The following DSCAM variants were observed in gnomAD, a reference collection of about 807,000 sequenced individuals.
The protein encoded by DSCAM is cell adhesion molecule DSCAM.
In DSCAM, 47 loss-of-function variants were observed where a neutral mutation model predicts 217.7. The ratio of observed to expected loss-of-function variants is 0.22; its 90% CI spans 0.17 to 0.28. The LOEUF is 0.28. DSCAM is among the 10% of genes least tolerant of loss of function. The pLI is 1.00. For missense variants in DSCAM, 2,080 were observed against 2,618.3 expected, an observed-to-expected ratio of 0.79 and a Z score of 4.49; for synonymous variants, 1,056 against 1,015.3, an observed-to-expected ratio of 1.04 and a Z score of -0.76.
intron 3 of DSCAM, among the ~76,000 whole-genome samples, chr21:40,652,421 T>C (rs2090026903): frequency 6.6e-6 from 1 of 151,828 alleles, no homozygotes; most frequent in Non-Finnish European, 1.5e-5. Flanking sequence ...CTGTGTCATG[T>C]CATTTAGTTG....
chr21:40,318,326 A>G (rs1328005404), intron 8 of DSCAM, among the ~76,000 whole-genome samples: 2 of 119,010 alleles, frequency 1.7e-5, no homozygotes, highest in Non-Finnish European at 1.7e-5. Flanking sequence ...CCTAAAACTT[A>G]AAGTATAATT....
At chr21:40,424,587 G>C (rs1189609495) in intron 3 of DSCAM, among the ~76,000 whole-genome samples, 2 of 152,168 alleles carry the variant, frequency 1.3e-5, no homozygotes, top group Non-Finnish European at 2.9e-5. Context: ...AGAACTGTGA[G>C]AGAATCAGCT....
In DSCAM at chr21:40,042,758, G is replaced by A. The variant is rs1467836622; in HGVS notation, c.5384-85C>T. ...GCATGGCCCTTCCTGGCTTGGGGCT[G>A]TTTTCTTCCAGATCATGGTGGGACC... On this transcript the variant is annotated intron_variant, in intron 31 of 32. Coordinates refer to ENST00000400454, the MANE Select transcript of DSCAM (RefSeq NM_001389.5). The A allele has an allele frequency of 3.0e-6, 4 of 1,338,678 alleles. No individual in the cohort carries two copies. In the Admixed American group the frequency reaches 6.7e-5, roughly 22 times the overall value. 82.9% of individuals were successfully genotyped at this position (1,338,678 alleles called of 1,614,324 possible). A position where few individuals can be genotyped will look rare whatever the true frequency, so the allele number is the denominator to read the frequency against.
intron 3 of DSCAM, among the ~76,000 whole-genome samples, chr21:40,681,796 CAA>C (rs764735671): frequency 2.0e-5 from 3 of 152,070 alleles, no homozygotes; most frequent in Admixed American, 6.5e-5. Flanking sequence ...AGAAGAAATG[CAA>C]AGACACACAC....
At chr21:40,469,833 T>C (rs2075873722) in intron 3 of DSCAM, among the ~76,000 whole-genome samples, 1 of 152,228 alleles carries the variant, frequency 6.6e-6, no homozygotes, top group African/African-American at 2.4e-5. Flanking sequence ...TTTATAACCA[T>C]ATGACATTAA....
At chr21:40,325,255 G>A (rs2074305001) in intron 8 of DSCAM, among the ~76,000 whole-genome samples, 1 of 152,158 alleles carries the variant, frequency 6.6e-6, no homozygotes, top group Non-Finnish European at 1.5e-5. Context: ...GCACCATCAT[G>A]GTATCTTGGT....
chr21:40,845,538 C>CT (rs1326593079), intron 1 of DSCAM, among the ~76,000 whole-genome samples: 2 of 96,976 alleles, frequency 2.1e-5, no homozygotes, highest in African/African-American at 9.5e-5. Context: ...TTCTCTTCTT[C>CT]TCCTCTCTCT....
At chr21:40,357,246 G>T (rs761926224) in intron 4 of DSCAM, among the ~76,000 whole-genome samples, 4 of 152,158 alleles carry the variant, frequency 2.6e-5, no homozygotes, top group Non-Finnish European at 5.9e-5. Context: ...AATTACAAAC[G>T]GACTTTGAAA....
chr21:40,180,804 T>C (rs2090790565), intron 14 of DSCAM, among the ~76,000 whole-genome samples: 1 of 151,986 alleles, frequency 6.6e-6, no homozygotes, highest in South Asian at 2.1e-4. Context: ...GAGAGGCATA[T>C]GAGTGTCCAT....
intron 3 of DSCAM, among the ~76,000 whole-genome samples, chr21:40,423,039 G>T (rs1026799894): frequency 6.6e-6 from 1 of 152,186 alleles, no homozygotes; most frequent in African/African-American, 2.4e-5. Flanking sequence ...TAGAGCTAGA[G>T]GGGTTGACAG....
intron 1 of DSCAM, among the ~76,000 whole-genome samples, chr21:40,744,585 G>A (rs958222940): frequency 2.0e-5 from 3 of 152,302 alleles, no homozygotes; most frequent in Admixed American, 2.0e-4. Flanking sequence ...CACTATAAGT[G>A]TTCCCTAGAC....
chr21:40,157,817 C>T (rs2090496052), intron 16 of DSCAM, among the ~76,000 whole-genome samples: 1 of 152,056 alleles, frequency 6.6e-6, no homozygotes, highest in Non-Finnish European at 1.5e-5. Flanking sequence ...ACTTCAGCCT[C>T]CTGAGCAGCT....
chr21:40,467,570 G>A (rs1395482504), intron 3 of DSCAM, among the ~76,000 whole-genome samples: 19 of 152,120 alleles, frequency 1.2e-4, no homozygotes, highest in Non-Finnish European at 1.5e-5. Flanking sequence ...ATGTCAGGAA[G>A]TGTAAGAGAA....
At chr21:40,617,014 C>T in intron 3 of DSCAM, among the ~76,000 whole-genome samples, 1 of 74,504 alleles carries the variant, frequency 1.3e-5, no homozygotes. Context: ...AAGACTCCGT[C>T]TCAAAAAAAA....
At chr21:40,045,474 C>T (rs1446826019) in intron 30 of DSCAM, among the ~76,000 whole-genome samples, 8 of 152,150 alleles carry the variant, frequency 5.3e-5, no homozygotes, top group South Asian at 2.1e-4. Flanking sequence ...ATGGGGTGGA[C>T]GGAGTTCTTA....
rs371489657 is a variant in DSCAM, at chr21:40,129,566, C to T, written c.3562+4288G>A. 1.7e-3 allele frequency among the ~76,000 whole-genome samples: 256 copies of T among 152,258 alleles called. 1 individual carries two copies. The highest frequency in any genetic ancestry group is 5.1e-3 in the Admixed American group (78 of 15,286). ...TTGAGGTAAGAACCTAGTTTGGGAT[C>T]CACTGCAGTGGAGGGAGTGTGGAAA... On this transcript the variant is annotated intron_variant, in intron 19 of 32. Coordinates refer to ENST00000400454, the MANE Select transcript of DSCAM (RefSeq NM_001389.5).
In DSCAM at chr21:40,314,817, T is replaced by C. The variant is rs574643391; in HGVS notation, c.1784-2458A>G. Among the ~76,000 whole-genome samples, 11 of 152,318 alleles carry C rather than the reference T, an allele frequency of 7.2e-5. No individual in the cohort carries two copies. The South Asian group carries it at 2.1e-3, about 29-fold the overall frequency. On this transcript the variant is annotated intron_variant, in intron 8 of 32. Coordinates refer to ENST00000400454, the MANE Select transcript of DSCAM (RefSeq NM_001389.5). Reference sequence around the variant, plus strand: ...GTTCAGCTATGCTACTTACTACAGTTACTTAACCCCTCTCAGGGTCTCAGT... The same window carrying C: ...GTTCAGCTATGCTACTTACTACAGTCACTTAACCCCTCTCAGGGTCTCAGT...
chr21:40,792,744 A>G (rs1189141965), intron 1 of DSCAM, among the ~76,000 whole-genome samples: 1 of 152,208 alleles, frequency 6.6e-6, no homozygotes, highest in African/African-American at 2.4e-5. Context: ...ACATAGGGCC[A>G]GAATAAAGAA....
At chr21:40,245,972 T>C (rs1034096138) in intron 11 of DSCAM, among the ~76,000 whole-genome samples, 1 of 152,066 alleles carries the variant, frequency 6.6e-6, no homozygotes, top group Admixed American at 6.6e-5. Context: ...GACAGTCACT[T>C]TTAAACTACC....
Sources: gnomAD v4.1 joint callset for allele counts (sites outside exome capture counted in the v4.1 genomes callset) on GRCh38, gnomAD v4.1.1 for gene constraint, MANE v1.5 for transcripts, NCBI Gene and HGNC (gene_info 2026-07-23, HGNC 2026-07-21) for gene names.